Variants in CNTN4 observed in about 807,000 individuals in gnomAD.
CNTN4 encodes contactin-4.
In CNTN4, 77 loss-of-function variants were observed where a neutral mutation model predicts 122.5. That is an observed-to-expected ratio of 0.63 (90% CI 0.52 to 0.76). The LOEUF (loss-of-function observed/expected upper bound fraction) is 0.76, where lower values mean the gene tolerates loss of function less well. Ranked by LOEUF, CNTN4 falls within the 30% of genes least tolerant of loss-of-function variation. The pLI, the probability that CNTN4 is intolerant of heterozygous loss-of-function variation, is 0.00. For missense variants in CNTN4, 1,256 were observed against 1,259.1 expected, an observed-to-expected ratio of 1.00 and a Z score of 0.04; for synonymous variants, 512 against 447.0, an observed-to-expected ratio of 1.15 and a Z score of -1.83.
In CNTN4 at chr3:2,115,291, A is replaced by G. The variant is rs1437145953; in HGVS notation, c.-145+14652A>G. Among the ~76,000 whole-genome samples, 10 of 152,224 alleles carry G rather than the reference A, an allele frequency of 6.6e-5. No individual in the cohort carries two copies. In the South Asian group the frequency reaches 1.9e-3, roughly 28 times the overall value. On this transcript the variant is annotated intron_variant, in intron 2 of 24. Coordinates refer to ENST00000418658, the MANE Select transcript of CNTN4 (RefSeq NM_175607.3). ...CCCACTGAACATGGTGTGTGGTCCA[A>G]TATTAATGGTATCTCTACTGGGGGT...
At chr3:2,258,756 T>TA (rs1484475580) in intron 2 of CNTN4, among the ~76,000 whole-genome samples, 1 of 152,092 alleles carries the variant, frequency 6.6e-6, no homozygotes, top group Non-Finnish European at 1.5e-5. Flanking sequence ...TCTCATGTCT[T>TA]AGTCTGAGTT....
At chr3:2,595,405 T>G (rs936949511) in intron 4 of CNTN4, among the ~76,000 whole-genome samples, 2 of 152,170 alleles carry the variant, frequency 1.3e-5, no homozygotes, top group Non-Finnish European at 2.9e-5. Flanking sequence ...ATTGGGAAAT[T>G]TACATATGTC....
At chr3:2,502,400 C>T (rs2076619503) in intron 3 of CNTN4, among the ~76,000 whole-genome samples, 1 of 152,064 alleles carries the variant, frequency 6.6e-6, no homozygotes. Flanking sequence ...TCACTTGCAG[C>T]CCCCAGAGGT....
At chr3:2,662,311 C>T (rs190474846) in intron 4 of CNTN4, among the ~76,000 whole-genome samples, 3 of 152,296 alleles carry the variant, frequency 2.0e-5, no homozygotes, top group Non-Finnish European at 1.5e-5. Context: ...AGATCTCACT[C>T]ATATAAGATT....
intron 3 of CNTN4, among the ~76,000 whole-genome samples, chr3:2,543,543 G>T (rs9837178): frequency 0.076 from 11,492 of 151,972 alleles, 1,235 homozygotes; most frequent in East Asian, 0.52. Context: ...AGATACCATA[G>T]GCCAACTGGA....
chr3:2,910,363 C>G (rs995819324), intron 12 of CNTN4, among the ~76,000 whole-genome samples: 1 of 152,188 alleles, frequency 6.6e-6, no homozygotes, highest in Non-Finnish European at 1.5e-5. Context: ...ATATCTGAAT[C>G]TTCTGTAAAA....
chr3:2,156,446 C>T (rs1333054587), intron 2 of CNTN4, among the ~76,000 whole-genome samples: 1 of 152,214 alleles, frequency 6.6e-6, no homozygotes, highest in East Asian at 1.9e-4. Context: ...CACCGTGTGG[C>T]AGCAGTAAGC....
intron 3 of CNTN4, among the ~76,000 whole-genome samples, chr3:2,342,271 A>G (rs2044237967): frequency 6.6e-6 from 1 of 152,174 alleles, no homozygotes; most frequent in Admixed American, 6.5e-5. Flanking sequence ...TTAATGCTAG[A>G]CAATTTAGTC....
intron 6 of CNTN4, among the ~76,000 whole-genome samples, chr3:2,754,929 G>A (rs1011418682): frequency 6.6e-5 from 10 of 152,210 alleles, no homozygotes; most frequent in African/African-American, 1.9e-4. Flanking sequence ...TCTTTCTTAT[G>A]ACTACTACAG....
At chr3:3,012,143 T>G (rs1697294814) in intron 14 of CNTN4, among the ~76,000 whole-genome samples, 1 of 152,174 alleles carries the variant, frequency 6.6e-6, no homozygotes, top group Non-Finnish European at 1.5e-5. Context: ...AGAGCAGCTT[T>G]CTGTCTAGAA....
intron 3 of CNTN4, among the ~76,000 whole-genome samples, chr3:2,441,937 CCTT>C (rs1334003389): frequency 6.6e-6 from 1 of 152,102 alleles, no homozygotes; most frequent in East Asian, 1.9e-4. Flanking sequence ...TTCTGATTAA[CCTT>C]CATTTGAAAT....
At chr3:2,669,945 G>A (rs2084403836) in intron 4 of CNTN4, among the ~76,000 whole-genome samples, 1 of 152,206 alleles carries the variant, frequency 6.6e-6, no homozygotes, top group South Asian at 2.1e-4. Context: ...TGATTGCACT[G>A]TGGTCTGACA....
intron 3 of CNTN4, among the ~76,000 whole-genome samples, chr3:2,350,758 C>A (rs1038470815): frequency 1.3e-5 from 2 of 152,120 alleles, no homozygotes; most frequent in Non-Finnish European, 2.9e-5. Context: ...CAGGAACTAT[C>A]TAAATGACTC....
intron 2 of CNTN4, among the ~76,000 whole-genome samples, chr3:2,240,644 T>G (rs1153519): frequency 0.063 from 9,644 of 152,178 alleles, 323 homozygotes; most frequent in African/African-American, 0.075. Context: ...AACCTACATA[T>G]GGAAGCTTAG....
intron 8 of CNTN4, among the ~76,000 whole-genome samples, chr3:2,869,975 T>G (rs1023532593): frequency 6.6e-6 from 1 of 152,216 alleles, no homozygotes; most frequent in Non-Finnish European, 1.5e-5. Flanking sequence ...CCCCTGTGGC[T>G]TCTACCCAAA....
At chr3:2,744,684 A>G (rs548732946) in intron 5 of CNTN4, among the ~76,000 whole-genome samples, 1 of 152,350 alleles carries the variant, frequency 6.6e-6, no homozygotes, top group African/African-American at 2.4e-5. Context: ...GATTTGGTCA[A>G]GAGAAGCTCT....
At chr3:2,877,575 A>C (rs1002096387) in intron 8 of CNTN4, among the ~76,000 whole-genome samples, 2 of 152,192 alleles carry the variant, frequency 1.3e-5, no homozygotes, top group Non-Finnish European at 2.9e-5. Context: ...ATTTTGGTTG[A>C]ACTAGACTAA....
intron 14 of CNTN4, among the ~76,000 whole-genome samples, chr3:3,019,116 A>C (rs1164851183): frequency 4.6e-5 from 7 of 152,246 alleles, no homozygotes; most frequent in African/African-American, 1.7e-4. Context: ...GTAGAATGTC[A>C]GCTGATATAT....
intron 2 of CNTN4, among the ~76,000 whole-genome samples, chr3:2,266,040 T>G (rs1170763227): frequency 6.6e-6 from 1 of 152,124 alleles, no homozygotes; most frequent in Admixed American, 6.6e-5. Flanking sequence ...GCTTTTCAAT[T>G]TGTATGCCTT....
Sources: gnomAD v4.1 joint callset for allele counts (sites outside exome capture counted in the v4.1 genomes callset) on GRCh38, gnomAD v4.1.1 for gene constraint, MANE v1.5 for transcripts, NCBI Gene and HGNC (gene_info 2026-07-23, HGNC 2026-07-21) for gene names.